CPPED1: variants seen among roughly 807,000 people sequenced by gnomAD.
CPPED1 encodes the protein serine/threonine-protein phosphatase CPPED1.
In CPPED1, 28 loss-of-function variants were observed where a neutral mutation model predicts 28.0. The ratio of observed to expected loss-of-function variants is 1.00; its 90% CI spans 0.74 to 1.37. The LOEUF is 1.37. Among genes scored for constraint, CPPED1 ranks in the 40% most tolerant of loss-of-function variants. The pLI, the probability that CPPED1 is intolerant of heterozygous loss-of-function variation, is 0.00. For missense variants in CPPED1, 504 were observed against 416.5 expected (o/e 1.21, Z -1.83); for synonymous variants, 198 against 180.2 (o/e 1.10, Z -0.79).
chr16:12,772,420 A>C (rs2080475292), intron 2 of CPPED1, among the ~76,000 whole-genome samples: 1 of 152,230 alleles, frequency 6.6e-6, no homozygotes. Flanking sequence ...TTTTGCAGCC[A>C]TATCTGCACA....
chr16:12,780,166 T>C (rs530362907), intron 2 of CPPED1, among the ~76,000 whole-genome samples: 7 of 151,968 alleles, frequency 4.6e-5, no homozygotes, highest in Admixed American at 2.0e-4. Flanking sequence ...GCCTGGGACT[T>C]TGTTTTTTGT....
intron 3 of CPPED1, among the ~76,000 whole-genome samples, chr16:12,684,218 T>G (rs938896291): frequency 2.0e-5 from 3 of 152,128 alleles, no homozygotes; most frequent in Non-Finnish European, 4.4e-5. Context: ...GCCATCTTTC[T>G]CAAATGCAAA....
At chr16:12,800,826 T>C (rs2080655126) in intron 1 of CPPED1, among the ~76,000 whole-genome samples, 2 of 152,154 alleles carry the variant, frequency 1.3e-5, no homozygotes, top group Non-Finnish European at 2.9e-5. Flanking sequence ...ATGGTCCACA[T>C]GGTCTTCCCT....
intron 3 of CPPED1, among the ~76,000 whole-genome samples, chr16:12,701,466 G>A (rs2080020397): frequency 6.6e-6 from 1 of 152,268 alleles, no homozygotes; most frequent in African/African-American, 2.4e-5. Context: ...CTTGGGAGGT[G>A]GAGGAGGTGG....
intron 2 of CPPED1, among the ~76,000 whole-genome samples, chr16:12,764,304 A>T (rs937071582): frequency 6.6e-6 from 1 of 151,946 alleles, no homozygotes; most frequent in Non-Finnish European, 1.5e-5. Flanking sequence ...CCCAAGTTCA[A>T]GCGATTCTCG....
intron 2 of CPPED1, among the ~76,000 whole-genome samples, chr16:12,707,507 A>T (rs1469578130): frequency 6.6e-6 from 1 of 152,156 alleles, no homozygotes; most frequent in African/African-American, 2.4e-5. Context: ...ACACAGGATG[A>T]GGACTTTATA....
At chr16:12,750,490 G>A (rs1208387359) in intron 2 of CPPED1, among the ~76,000 whole-genome samples, 1 of 152,202 alleles carries the variant, frequency 6.6e-6, no homozygotes, top group Non-Finnish European at 1.5e-5. Flanking sequence ...ACTCAGTGGA[G>A]CAGTCAGAAC....
intron 2 of CPPED1, among the ~76,000 whole-genome samples, chr16:12,774,341 G>A (rs780455166): frequency 6.6e-5 from 10 of 151,884 alleles, no homozygotes; most frequent in Non-Finnish European, 7.4e-5. Context: ...GGTGGCAGGC[G>A]CCTGTAATCC....
intron 2 of CPPED1, among the ~76,000 whole-genome samples, chr16:12,750,776 G>C (rs142491310): frequency 0.044 from 6,640 of 152,198 alleles, 271 homozygotes; most frequent in African/African-American, 0.11. Context: ...TTTAAGACCA[G>C]CCAGGCCAAC....
intron 1 of CPPED1, among the ~76,000 whole-genome samples, chr16:12,785,979 T>G (rs890556200): frequency 2.6e-5 from 4 of 151,898 alleles, no homozygotes; most frequent in Non-Finnish European, 5.9e-5. Flanking sequence ...TCCAGTTTTT[T>G]CCCCCTACCT....
intron 3 of CPPED1, among the ~76,000 whole-genome samples, chr16:12,695,207 TTGG>T (rs1368738919): frequency 6.6e-6 from 1 of 152,206 alleles, no homozygotes; most frequent in Non-Finnish European, 1.5e-5. Flanking sequence ...TAACACTTAA[TTGG>T]TGAGGTATGT....
At chr16:12,759,651 G>T (rs1163599973) in intron 2 of CPPED1, among the ~76,000 whole-genome samples, 1 of 152,136 alleles carries the variant, frequency 6.6e-6, no homozygotes, top group South Asian at 2.1e-4. Context: ...TCATGGGGTC[G>T]GGGGGTGGTG....
intron 3 of CPPED1, among the ~76,000 whole-genome samples, chr16:12,683,733 G>A (rs1374549738): frequency 1.3e-5 from 2 of 152,146 alleles, no homozygotes; most frequent in South Asian, 4.1e-4. Flanking sequence ...TCCTCAGTGT[G>A]ATCTTCCTGG....
intron 2 of CPPED1, among the ~76,000 whole-genome samples, chr16:12,762,392 T>C (rs2080414848): frequency 6.6e-6 from 1 of 152,234 alleles, no homozygotes; most frequent in South Asian, 2.1e-4. Context: ...CTTTCCTTAA[T>C]GTTATCATCT....
At chr16:12,796,815 C>G (rs532953119) in intron 1 of CPPED1, among the ~76,000 whole-genome samples, 1 of 151,986 alleles carries the variant, frequency 6.6e-6, no homozygotes, top group Non-Finnish European at 1.5e-5. Context: ...CAAGAGGTAC[C>G]CAGATGCGTG....
chr16:12,681,273 G>A (rs1567274145), intron 3 of CPPED1, among the ~76,000 whole-genome samples: 1 of 152,100 alleles, frequency 6.6e-6, no homozygotes, highest in Non-Finnish European at 1.5e-5. Context: ...CCTCAAGAAT[G>A]CATTAATGCT....
At position 12,678,900 on chromosome 16, in the gene CPPED1, A is replaced by G. The variant is rs565939473; in HGVS notation, c.716-13785T>C. Among the ~76,000 whole-genome samples the G allele has an allele frequency of 3.0e-4, 46 of 152,300 alleles. 3 individuals carry two copies. The East Asian group carries it at 5.0e-3, about 17-fold the overall frequency. On this transcript the variant is annotated intron_variant, in intron 3 of 3. Coordinates refer to ENST00000381774, the MANE Select transcript of CPPED1 (RefSeq NM_018340.3). ...TCTCTTGCTTTTTGCAATAGTTAGG[A>G]TCTCCAATACAATGTTAAAAAGTAT...
At chr16:12,746,911 C>G (rs2141214820) in intron 2 of CPPED1, among the ~76,000 whole-genome samples, 1 of 151,570 alleles carries the variant, frequency 6.6e-6, no homozygotes, top group Admixed American at 6.6e-5. Context: ...AGCTAATGGG[C>G]CAGGTGGAAC....
chr16:12,693,778 T>C (rs950965351), intron 3 of CPPED1, among the ~76,000 whole-genome samples: 1 of 152,216 alleles, frequency 6.6e-6, no homozygotes, highest in Non-Finnish European at 1.5e-5. Flanking sequence ...ATGACACTAA[T>C]TGCTATTTTT....
Sources: allele counts gnomAD v4.1 joint callset (sites outside exome capture counted in the v4.1 genomes callset), GRCh38; gene constraint gnomAD v4.1.1; transcripts MANE v1.5; gene names NCBI Gene and HGNC (gene_info 2026-07-23, HGNC 2026-07-21).